Variants in WDFY4 observed in about 807,000 individuals in gnomAD.
WDFY4 encodes WD repeat- and FYVE domain-containing protein 4.
WDFY4 carries 169 observed loss-of-function variants against 351.9 expected under a neutral mutation model. The ratio of observed to expected loss-of-function variants is 0.48; its 90% CI spans 0.42 to 0.55. WDFY4 has a LOEUF of 0.55. WDFY4 is among the 20% of genes least tolerant of loss of function. The pLI, the probability that WDFY4 is intolerant of heterozygous loss-of-function variation, is 0.00. For missense variants in WDFY4, 3,803 were observed against 3,935.6 expected (o/e 0.97, Z 0.90); for synonymous variants, 1,622 against 1,574.6 (o/e 1.03, Z -0.71).
At chr10:48,819,060 G>T (rs1413705678) in intron 32 of WDFY4, among the ~76,000 whole-genome samples, 1 of 152,196 alleles carries the variant, frequency 6.6e-6, no homozygotes, top group Non-Finnish European at 1.5e-5. Context: ...GGCTCCAGCC[G>T]AGTGCCCCCG....
At chr10:48,721,964 T>C (rs533165136) in intron 4 of WDFY4, among the ~76,000 whole-genome samples, 1 of 152,240 alleles carries the variant, frequency 6.6e-6, no homozygotes, top group South Asian at 2.1e-4. Context: ...TTTCTTCCCT[T>C]CCCACCCATA....
At chr10:48,711,176 G>A (rs117313508) in intron 2 of WDFY4, among the ~76,000 whole-genome samples, 3 of 152,168 alleles carry the variant, frequency 2.0e-5, no homozygotes, top group Non-Finnish European at 4.4e-5. Flanking sequence ...TTAGAATCTT[G>A]TTGGGAACAC....
intron 54 of WDFY4, 107 bp downstream of exon 54, chr10:48,964,161 G>A (rs1023222655): frequency 3.2e-6 from 4 of 1,248,802 alleles, no homozygotes; most frequent in Non-Finnish European, 4.5e-6. Context: ...GAGGTGAAAT[G>A]GTCCCCCATC....
chr10:48,862,848 T>G (rs1309690438), intron 39 of WDFY4, among the ~76,000 whole-genome samples: 1 of 152,194 alleles, frequency 6.6e-6, no homozygotes, highest in African/African-American at 2.4e-5. Context: ...AGAAAGATAC[T>G]GCATATTCTA....
intron 57 of WDFY4, among the ~76,000 whole-genome samples, chr10:48,971,827 C>T (rs912170095): frequency 1.3e-5 from 2 of 152,150 alleles, no homozygotes; most frequent in Non-Finnish European, 2.9e-5. Context: ...TCACCAACTG[C>T]TGTTGTCAGT....
chr10:48,748,210 T>G (rs1168630772), intron 12 of WDFY4, among the ~76,000 whole-genome samples: 2 of 152,168 alleles, frequency 1.3e-5, no homozygotes, highest in East Asian at 3.9e-4. Flanking sequence ...TGAAAAGACA[T>G]TTAGTAAGTG....
intron 21 of WDFY4, among the ~76,000 whole-genome samples, chr10:48,789,190 A>G (rs531177896): frequency 1.3e-4 from 20 of 152,196 alleles, no homozygotes; most frequent in Admixed American, 3.9e-4. Context: ...TGTGATTAAA[A>G]CAACAAACAA....
chr10:48,972,155 C>T (rs1175839746), intron 57 of WDFY4, among the ~76,000 whole-genome samples: 2 of 152,304 alleles, frequency 1.3e-5, no homozygotes, highest in Middle Eastern at 3.4e-3. Context: ...AAATAAAACA[C>T]TTTATCACTT....
rs1050681745 is a variant in WDFY4, at chr10:48,787,928, T to C, written c.3809-602T>C. On this transcript the variant is annotated intron_variant, in intron 20 of 61. Transcript: ENST00000325239. The stretch of plus-strand genomic sequence containing the variant: ...CTTCTTCTTCTTCTTCTTCTTCTTC[T>C]TCTTCTTCTTCTTCTTCTTCTTCTT... 4.0e-4 allele frequency among the ~76,000 whole-genome samples: 34 copies of C among 85,952 alleles called. 1 individual carries two copies. The highest frequency in any genetic ancestry group is 1.7e-3 in the African/African-American group (32 of 19,246). The allele number at this position is 85,952 out of a possible 152,430, so 56.4% of individuals were successfully genotyped here.
chr10:48,976,738 A>G (rs1434848680), intron 58 of WDFY4, 59 bp from the exon 59 acceptor site: 3 of 1,293,200 alleles, frequency 2.3e-6, no homozygotes, highest in Non-Finnish European at 3.0e-6. Context: ...TAGCTGAGCA[A>G]GTGGCTGATG....
chr10:48,914,793 T>A (rs1475141136), intron 47 of WDFY4, among the ~76,000 whole-genome samples: 1 of 152,200 alleles, frequency 6.6e-6, no homozygotes, highest in African/African-American at 2.4e-5. Context: ...GAAAAGCCTG[T>A]TGCTCAGCCC....
At chr10:48,911,746 T>TTAAGCTAC in intron 47 of WDFY4, among the ~76,000 whole-genome samples, 1 of 152,320 alleles carries the variant, frequency 6.6e-6, no homozygotes, top group East Asian at 1.9e-4. Flanking sequence ...GATGAATGCT[T>TTAAGCTAC]TAAGCTACTA....
chr10:48,932,038 C>T (rs866390707), intron 47 of WDFY4, among the ~76,000 whole-genome samples: 1 of 152,194 alleles, frequency 6.6e-6, no homozygotes, highest in Non-Finnish European at 1.5e-5. Flanking sequence ...TAGAAGTGAG[C>T]CCCACTCCCC....
chr10:48,771,048 G>A (rs1369854389), intron 13 of WDFY4, among the ~76,000 whole-genome samples: 1 of 152,222 alleles, frequency 6.6e-6, no homozygotes, highest in East Asian at 1.9e-4. Context: ...CTTAGAGATG[G>A]GGATTTCTCT....
chr10:48,769,168 G>A (rs1448610926), intron 13 of WDFY4, among the ~76,000 whole-genome samples: 1 of 152,176 alleles, frequency 6.6e-6, no homozygotes, highest in Non-Finnish European at 1.5e-5. Context: ...GTTACGTTGA[G>A]GAAGCCAGGC....
At chr10:48,782,972 T>C (rs953496256) in intron 19 of WDFY4, among the ~76,000 whole-genome samples, 2 of 152,138 alleles carry the variant, frequency 1.3e-5, no homozygotes, top group African/African-American at 2.4e-5. Flanking sequence ...ACTCTGTGCC[T>C]GCGAGAACAG....
intron 1 of WDFY4, among the ~76,000 whole-genome samples, chr10:48,687,753 T>G (rs1565091148): frequency 6.6e-6 from 1 of 151,558 alleles, no homozygotes; most frequent in Non-Finnish European, 1.5e-5. Flanking sequence ...TAGCTGAGAT[T>G]ACAGGTACAT....
intron 19 of WDFY4, among the ~76,000 whole-genome samples, chr10:48,782,478 A>G (rs1363817187): frequency 6.6e-6 from 1 of 152,202 alleles, no homozygotes; most frequent in Non-Finnish European, 1.5e-5. Context: ...AGGCATTAAC[A>G]TCCTCCCTGC....
intron 39 of WDFY4, among the ~76,000 whole-genome samples, chr10:48,853,920 G>A (rs2133189582): frequency 6.6e-6 from 1 of 152,322 alleles, no homozygotes; most frequent in East Asian, 1.9e-4. Context: ...AGTGATCAAT[G>A]AATGTTTGCA....
Sources: allele counts gnomAD v4.1 joint callset (sites outside exome capture counted in the v4.1 genomes callset), GRCh38; gene constraint gnomAD v4.1.1; transcripts MANE v1.5; gene names NCBI Gene and HGNC (gene_info 2026-07-23, HGNC 2026-07-21).